Variants in RSBN1L observed in about 807,000 individuals in gnomAD.
RSBN1L encodes the protein lysine-specific demethylase RSBN1L.
A neutral mutation model predicts 67.7 loss-of-function variants in RSBN1L; 30 were observed. That is an observed-to-expected ratio of 0.44 (90% confidence interval 0.33 to 0.60). The LOEUF (loss-of-function observed/expected upper bound fraction) is 0.60, where lower values mean the gene tolerates loss of function less well. Among genes scored for constraint, RSBN1L ranks in the 20% least tolerant of loss-of-function variants. The pLI is 0.02. For missense variants in RSBN1L, 992 were observed against 1,031.7 expected (o/e 0.96, Z 0.53); for synonymous variants, 433 against 387.0 (o/e 1.12, Z -1.39).
chr7:77,701,564 CT>C (rs1562791908), intron 1 of RSBN1L, among the ~76,000 whole-genome samples: 3 of 151,784 alleles, frequency 2.0e-5, no homozygotes, highest in African/African-American at 7.3e-5. Flanking sequence ...AATGTCAATC[CT>C]TTCACTGAAT....
intron 3 of RSBN1L, among the ~76,000 whole-genome samples, chr7:77,762,307 TTAAAAA>T (rs575436500): frequency 1.0e-3 from 158 of 152,252 alleles, no homozygotes; most frequent in Non-Finnish European, 1.9e-3. Flanking sequence ...AGGACCATAC[TTAAAAA>T]TAATCAGCAA....
chr7:77,779,388 TAAA>T lies in RSBN1L; in HGVS notation c.*227_*229del. 3.6e-6 allele frequency: 1 copy of T among 280,468 alleles called. No individual in the cohort carries two copies. The allele number at this position is 280,468 out of a possible 1,614,324, so 17.4% of individuals were successfully genotyped here. A position where few individuals can be genotyped will look rare whatever the true frequency, so the allele number is the denominator to read the frequency against. ...GCAGGTTTAAACATAAAGGAGTCTT[TAAA>T]AAAAAATCATTTACGTTGGAATTTT... is the stretch of plus-strand genomic sequence containing the variant. On this transcript the variant is annotated 3_prime_UTR_variant, in exon 8 of 8. Coordinates refer to ENST00000334955, the MANE Select transcript of RSBN1L (RefSeq NM_198467.3).
chr7:77,762,688 T>C (rs925631631), intron 3 of RSBN1L, among the ~76,000 whole-genome samples: 2 of 152,158 alleles, frequency 1.3e-5, no homozygotes, highest in Non-Finnish European at 2.9e-5. Flanking sequence ...AATTTTTTCC[T>C]GTTACTCAAT....
At chr7:77,751,152 TTTTTTG>T (rs1791551497) in intron 3 of RSBN1L, among the ~76,000 whole-genome samples, 1 of 52,098 alleles carries the variant, frequency 1.9e-5, no homozygotes, top group East Asian at 3.1e-4. Flanking sequence ...AATGTGGTGT[TTTTTTG>T]TTTTTTGTTT....
At chr7:77,756,141 T>A (rs1220075784) in intron 3 of RSBN1L, among the ~76,000 whole-genome samples, 1 of 149,558 alleles carries the variant, frequency 6.7e-6, no homozygotes, top group African/African-American at 2.5e-5. Context: ...ATTTTTTTAT[T>A]TTTTTTTTGA....
In RSBN1L at chr7:77,696,648, G is replaced by C. The variant is rs1390806544; in HGVS notation, c.179G>C (p.Gly60Ala). 5.6e-6 allele frequency: 9 copies of C among 1,613,624 alleles called. No homozygotes were observed. The Admixed American group carries it at 1.2e-4, about 21-fold the overall frequency. ...GCACCGCGGAGAGTGAACGGAGAAG[G>C]GGGCAGCGGCGGGAACAGCAGGCAG... ...KKAPRRVNGE[G>A]GSGGNSRQLQ... The change falls in exon 1 of 8, where the codon GGG becomes GCG. Residue 60 changes from glycine (G) to alanine (A), a missense_variant. Physicochemically the swap from Gly to Ala is moderately conservative, Grantham distance 60. Transcript: ENST00000334955.
At chr7:77,708,187 A>T (rs1790920089) in intron 1 of RSBN1L, among the ~76,000 whole-genome samples, 1 of 152,152 alleles carries the variant, frequency 6.6e-6, no homozygotes, top group South Asian at 2.1e-4. Context: ...AATGGAGATG[A>T]TGGAGACAGG....
intron 2 of RSBN1L, among the ~76,000 whole-genome samples, chr7:77,737,444 AT>A (rs2150421256): frequency 6.6e-6 from 1 of 152,342 alleles, no homozygotes; most frequent in Non-Finnish European, 1.5e-5. Flanking sequence ...GATAAAGAGT[AT>A]TAGATTCTGT....
chr7:77,746,849 T>G (rs1220109052), intron 2 of RSBN1L, among the ~76,000 whole-genome samples: 1 of 152,182 alleles, frequency 6.6e-6, no homozygotes, highest in Non-Finnish European at 1.5e-5. Context: ...GGGCAGTCAT[T>G]AAACCTTAAA....
intron 2 of RSBN1L, among the ~76,000 whole-genome samples, chr7:77,740,726 T>G (rs570407467): frequency 3.3e-5 from 5 of 152,320 alleles, no homozygotes; most frequent in African/African-American, 1.2e-4. Flanking sequence ...TTTTTATTTT[T>G]CTTTTCATAA....
chr7:77,748,776 C>T (rs537510035), intron 2 of RSBN1L, among the ~76,000 whole-genome samples: 7 of 152,228 alleles, frequency 4.6e-5, no homozygotes, highest in African/African-American at 1.7e-4. Context: ...TGAGCCACTG[C>T]GCCTGGCCTG....
intron 4 of RSBN1L, among the ~76,000 whole-genome samples, chr7:77,767,311 G>A (rs896612783): frequency 1.3e-5 from 2 of 148,782 alleles, no homozygotes; most frequent in Admixed American, 6.7e-5. Flanking sequence ...TTTTAATTTT[G>A]TTCTCAACAT....
At chr7:77,748,788 A>G (rs778689403) in intron 2 of RSBN1L, among the ~76,000 whole-genome samples, 13 of 152,082 alleles carry the variant, frequency 8.5e-5, no homozygotes, top group Non-Finnish European at 1.9e-4. Context: ...CCTGGCCTGA[A>G]GATTGTTTTC....
intron 1 of RSBN1L, among the ~76,000 whole-genome samples, chr7:77,731,207 T>C (rs1386134586): frequency 2.0e-5 from 3 of 152,070 alleles, no homozygotes; most frequent in Non-Finnish European, 4.4e-5. Flanking sequence ...TCTTTAGTGT[T>C]TTTTTTGGTT....
At chr7:77,739,006 G>C (rs1391783263) in intron 2 of RSBN1L, among the ~76,000 whole-genome samples, 7 of 152,168 alleles carry the variant, frequency 4.6e-5, no homozygotes, top group Non-Finnish European at 1.0e-4. Context: ...GTAGTACATA[G>C]ATAATTAAGT....
chr7:77,755,389 G>C (rs932210178), intron 3 of RSBN1L, among the ~76,000 whole-genome samples: 4 of 152,058 alleles, frequency 2.6e-5, no homozygotes, highest in Non-Finnish European at 4.4e-5. Context: ...AAGCAGCTGG[G>C]CGTGGTGGCT....
At chr7:77,756,958 A>G (rs770843591) in intron 3 of RSBN1L, among the ~76,000 whole-genome samples, 43 of 152,210 alleles carry the variant, frequency 2.8e-4, no homozygotes, top group Non-Finnish European at 5.3e-4. Context: ...AGGTTGTGCA[A>G]CCTGATGGTA....
intron 1 of RSBN1L, among the ~76,000 whole-genome samples, chr7:77,705,540 C>G (rs1440178636): frequency 9.5e-6 from 1 of 105,430 alleles, no homozygotes; most frequent in Non-Finnish European, 1.7e-5. Context: ...GTGATGGAGT[C>G]TTGCTCTGTT....
rs1288101031 is a variant in RSBN1L, at chr7:77,743,927, T to C, written c.704-5497T>C. ...TTTTTGTAGAGATGAGGTCTCTCTA[T>C]GTTCCCCAAGCTGATCTCGAACTCC... On this transcript the variant is annotated intron_variant, in intron 2 of 7. Transcript: ENST00000334955. Among the ~76,000 whole-genome samples the C allele has an allele frequency of 2.6e-5, 4 of 152,228 alleles. No homozygotes were observed. In the East Asian group the frequency reaches 7.7e-4, roughly 29 times the overall value.
Sources: allele counts gnomAD v4.1 joint callset (sites outside exome capture counted in the v4.1 genomes callset), GRCh38; gene constraint gnomAD v4.1.1; transcripts MANE v1.5; gene names NCBI Gene and HGNC (gene_info 2026-07-23, HGNC 2026-07-21).